The following ABCC8 variants were observed in gnomAD, a reference collection of about 807,000 sequenced individuals.
ABCC8 encodes the protein ATP binding cassette subfamily C member 8, also known as ATP-binding cassette sub-family C member 8.
A neutral mutation model predicts 188.0 loss-of-function variants in ABCC8; 137 were observed. That is an observed-to-expected ratio of 0.73 (90% CI 0.63 to 0.84). The LOEUF (loss-of-function observed/expected upper bound fraction) is 0.84, where lower values mean the gene tolerates loss of function less well. Among genes scored for constraint, ABCC8 ranks in the 40% least tolerant of loss-of-function variants. The pLI is 0.00. For missense variants in ABCC8, 1,750 were observed against 2,072.7 expected (o/e 0.84, Z 3.02); for synonymous variants, 797 against 846.5 (o/e 0.94, Z 1.01).
At chr11:17,455,678 C>A (rs1010778242) in intron 6 of ABCC8, among the ~76,000 whole-genome samples, 1 of 152,078 alleles carries the variant, frequency 6.6e-6, no homozygotes, top group Admixed American at 6.5e-5. Flanking sequence ...TGGGTCATGC[C>A]TGTAATTCCA....
chr11:17,432,163 C>G (rs372562241), intron 11 of ABCC8, 41 bp downstream of exon 11: 145 of 1,551,652 alleles, frequency 9.3e-5, no homozygotes, highest in Non-Finnish European at 1.2e-4. Context: ...CGCCCTCCCC[C>G]TCCACCCTAC....
chr11:17,424,984 C>T (rs1052010005), intron 16 of ABCC8, among the ~76,000 whole-genome samples: 1 of 152,152 alleles, frequency 6.6e-6, no homozygotes, highest in African/African-American at 2.4e-5. Flanking sequence ...TAGGAGGTAC[C>T]CAATAAATAT....
intron 2 of ABCC8, among the ~76,000 whole-genome samples, chr11:17,473,505 C>T (rs988493490): frequency 2.0e-5 from 3 of 152,140 alleles, no homozygotes; most frequent in Non-Finnish European, 4.4e-5. Context: ...CCAGGCAGCA[C>T]TGCAGGAGTG....
intron 26 of ABCC8, 109 bp downstream of exon 26, chr11:17,406,513 C>T: frequency 8.3e-7 from 1 of 1,210,934 alleles, no homozygotes; most frequent in Non-Finnish European, 1.2e-6. Context: ...TTGAGTCACC[C>T]CCACAAGCTT....
intron 2 of ABCC8, among the ~76,000 whole-genome samples, chr11:17,471,007 C>T (rs1028390232): frequency 6.6e-6 from 1 of 152,262 alleles, no homozygotes. Flanking sequence ...CAGCCTGGAA[C>T]GAAAGGCCCA....
chr11:17,464,997 G>A (rs1385762620), intron 3 of ABCC8, among the ~76,000 whole-genome samples: 1 of 152,238 alleles, frequency 6.6e-6, no homozygotes, highest in Non-Finnish European at 1.5e-5. Flanking sequence ...CTCAGGGTTA[G>A]GAAACAGGTT....
intron 3 of ABCC8, among the ~76,000 whole-genome samples, chr11:17,469,259 T>C (rs1848347191): frequency 1.3e-5 from 2 of 152,010 alleles, no homozygotes; most frequent in Admixed American, 1.3e-4. Context: ...GCCCAGCTAA[T>C]TTTTCTATTT....
chr11:17,461,550 G>A, intron 5 of ABCC8, 33 bp downstream of exon 5: 2 of 1,613,862 alleles, frequency 1.2e-6, no homozygotes, highest in South Asian at 2.2e-5. Context: ...CCAGAAGGCA[G>A]TGAATAGATG....
rs761428221 is a variant in ABCC8 at position 17,395,558 on chromosome 11, T to TA, written c.4307+51_4307+52insT. 1.1e-4 allele frequency: 173 copies of TA among 1,537,960 alleles called. 1 individual carries two copies. Among genetic ancestry groups the TA allele is most frequent in the Non-Finnish European group, 1.5e-4 (170 of 1,144,006 alleles). ...CCTCCTCTTTGTGCTCCAGATCTGA[T>TA]GGAACTGAGCCGGCCTGGGGCTGGG... On this transcript the variant is annotated intron_variant, in intron 35 of 38. Coordinates refer to ENST00000389817, the MANE Select transcript of ABCC8 (RefSeq NM_000352.6).
chr11:17,435,922 A>T (rs1375079224), intron 10 of ABCC8: 60 of 1,472,870 alleles, frequency 4.1e-5, no homozygotes, highest in Non-Finnish European at 5.6e-5. Flanking sequence ...CAGGGCCAAC[A>T]TGCCAAAAAG....
At position 17,463,566 on chromosome 11, in the gene ABCC8, T is replaced by A; in HGVS notation, c.451A>T (p.Thr151Ser). 6.3e-7 allele frequency: 1 copy of A among 1,592,466 alleles called. No individual in the cohort carries two copies. Among genetic ancestry groups the A allele is most frequent in the Non-Finnish European group, 8.6e-7 (1 of 1,169,272 alleles). ...TCCAAGAACTTGACAAACTTGATGGTCTTGGTGATGAAGGCCAGGGTCCAA... is the reference window on the plus strand; with the variant it reads ...TCCAAGAACTTGACAAACTTGATGGACTTGGTGATGAAGGCCAGGGTCCAA... The part of the protein sequence containing the change: ...VYWTLAFITK[T>S]IKFVKFLDHA... Residue 151 changes from threonine (T) to serine (S), a missense_variant, in exon 4 of 39, where the codon ACC becomes TCC. Thr to Ser is a moderately conservative substitution (Grantham distance 58). Coordinates refer to ENST00000389817, the MANE Select transcript of ABCC8 (RefSeq NM_000352.6).
rs1306140884 is a variant in ABCC8 at position 17,393,345 on chromosome 11, T to C, written c.4609-217A>G. On this transcript the variant is annotated intron_variant, in intron 38 of 38. Coordinates refer to ENST00000389817, the MANE Select transcript of ABCC8 (RefSeq NM_000352.6). ...TTCTCTCCTCTCCAAGTCCCAACTC[T>C]ACCCCACCTCCAGGCTTCAAGGCTC... is the stretch of plus-strand genomic sequence containing the variant. 5.8e-6 allele frequency: 4 copies of C among 694,664 alleles called. No homozygotes were observed. In the Admixed American group the frequency reaches 1.1e-4, roughly 19 times the overall value. 43.0% of individuals were successfully genotyped at this position (694,664 alleles called of 1,614,324 possible). A position where few individuals can be genotyped will look rare whatever the true frequency, so the allele number is the denominator to read the frequency against.
At chr11:17,392,856 C>T, downstream of ABCC8, 1 of 1,084,660 alleles carries the variant, frequency 9.2e-7, no homozygotes, top group Non-Finnish European at 1.4e-6. Context: ...CCACCGCCAG[C>T]CCCTGCCCAC....
At chr11:17,414,788 GTCTGGGTCTCA>G (rs1954986504) in intron 18 of ABCC8, 178 bp from the exon 19 acceptor site, 1 of 783,260 alleles carries the variant, frequency 1.3e-6, no homozygotes. Flanking sequence ...GGTTTGAGAG[GTCTGGGTCTCA>G]ACTGACTGGG....
intron 4 of ABCC8, 28 bp downstream of exon 4, chr11:17,463,410 C>T: frequency 6.3e-7 from 1 of 1,576,160 alleles, no homozygotes; most frequent in South Asian, 1.2e-5. Flanking sequence ...TGCTTCCCAC[C>T]CCACCCTGGC....
At chr11:17,453,800 A>G (rs1956898530) in intron 6 of ABCC8, among the ~76,000 whole-genome samples, 1 of 152,170 alleles carries the variant, frequency 6.6e-6, no homozygotes, top group Non-Finnish European at 1.5e-5. Flanking sequence ...AGAGCTCATC[A>G]CTTACAAGAG....
chr11:17,423,154 C>G (rs1279737943), intron 16 of ABCC8, among the ~76,000 whole-genome samples: 4 of 151,644 alleles, frequency 2.6e-5, no homozygotes, highest in African/African-American at 9.7e-5. Flanking sequence ...GTCAGGAGTT[C>G]GAGATTACCC....
chr11:17,419,688 TAGA>T (rs774311185), intron 16 of ABCC8, among the ~76,000 whole-genome samples: 42 of 152,258 alleles, frequency 2.8e-4, no homozygotes, highest in Admixed American at 8.5e-4. Context: ...TAGAGCCTCA[TAGA>T]AGAAGTCATA....
downstream of ABCC8, chr11:17,392,824 C>G (rs200082018): frequency 2.6e-5 from 20 of 767,416 alleles, no homozygotes; most frequent in East Asian, 5.1e-4. Flanking sequence ...CAGAGCCAGG[C>G]TGGTTCTACT....
Sources: allele counts gnomAD v4.1 joint callset (sites outside exome capture counted in the v4.1 genomes callset), GRCh38; gene constraint gnomAD v4.1.1; transcripts MANE v1.5; gene names NCBI Gene and HGNC (gene_info 2026-07-23, HGNC 2026-07-21).